PLCG2: variants seen among roughly 807,000 people sequenced by gnomAD.
PLCG2 encodes 1-phosphatidylinositol 4,5-bisphosphate phosphodiesterase gamma-2.
A neutral mutation model predicts 175.6 loss-of-function variants in PLCG2; 69 were observed. The ratio of observed to expected loss-of-function variants is 0.39; its 90% CI spans 0.32 to 0.48. The LOEUF (loss-of-function observed/expected upper bound fraction) is 0.48. Among genes scored for constraint, PLCG2 ranks in the 20% least tolerant of loss-of-function variants. The probability of loss-of-function intolerance (pLI) is 0.91; values close to 1 mark genes in which losing one functional copy is unlikely to be tolerated. For synonymous variants in PLCG2, 827 were observed against 624.0 expected, an observed-to-expected ratio of 1.33 and a Z score of -4.85; for missense variants, 1,798 against 1,650.9, an observed-to-expected ratio of 1.09 and a Z score of -1.54.
intron 2 of PLCG2, among the ~76,000 whole-genome samples, chr16:81,826,771 C>T (rs752526956): frequency 6.6e-6 from 1 of 152,188 alleles, no homozygotes. Flanking sequence ...GTAGCAAGAA[C>T]CTTCCCAAAG....
At position 81,907,782 on chromosome 16, in the gene PLCG2, G is replaced by A. The variant is rs749726451; in HGVS notation, c.1557+8G>A. The A allele has an allele frequency of 2.5e-6, 4 of 1,608,278 alleles. No individual in the cohort carries two copies. In the East Asian group the frequency reaches 8.9e-5, roughly 36 times the overall value. On this transcript the variant is annotated splice_region_variant and intron_variant, in intron 16 of 32. Coordinates refer to ENST00000564138, the MANE Select transcript of PLCG2 (RefSeq NM_002661.5). ...GAGGAGGAAGTGCCCCAGGTAGGGG[G>A]ACACCCTAGCCACATAGGGAGGAGG...
rs1304074351 is a variant in PLCG2 at position 81,917,326 on chromosome 16, C to A, written c.2055-2158C>A. Reference sequence around the variant, plus strand: ...TGTTGATGGGCAGGCTGATTCTACACCTTGGCTATGGTGAATGGTGCTATG... The same window carrying A: ...TGTTGATGGGCAGGCTGATTCTACAACTTGGCTATGGTGAATGGTGCTATG... On this transcript the variant is annotated intron_variant, in intron 19 of 32. Transcript: ENST00000564138. 4.0e-5 allele frequency among the ~76,000 whole-genome samples: 6 copies of A among 151,408 alleles called. No homozygotes were observed. The East Asian group carries it at 1.2e-3, about 29-fold the overall frequency.
intron 2 of PLCG2, among the ~76,000 whole-genome samples, chr16:81,838,297 G>A (rs1054935451): frequency 2.0e-5 from 3 of 152,160 alleles, no homozygotes; most frequent in Non-Finnish European, 2.9e-5. Flanking sequence ...ATGTTTCCCA[G>A]GCAGGTTTTG....
chr16:81,870,663 C>G lies in PLCG2; in HGVS notation c.565-189C>G, dbSNP rs41312260. Among the ~76,000 whole-genome samples the G allele has an allele frequency of 0.074, 11,256 of 152,236 alleles. 423 individuals carry two copies. Among genetic ancestry groups the G allele is most frequent in the Middle Eastern group, 0.15 (43 of 294 alleles). The stretch of plus-strand genomic sequence containing the variant: ...GATTTTAGCCAATGTTGTAGAAAAG[C>G]CATGTTAAATAGCATGACTTTTTCC... On this transcript the variant is annotated intron_variant, in intron 6 of 32. Coordinates refer to ENST00000564138, the MANE Select transcript of PLCG2 (RefSeq NM_002661.5).
At chr16:81,827,319 G>T (rs1905086657) in intron 2 of PLCG2, among the ~76,000 whole-genome samples, 2 of 151,890 alleles carry the variant, frequency 1.3e-5, no homozygotes. Context: ...AAGTACCTGG[G>T]ACCACAGGTG....
At chr16:81,901,369 C>T (rs1231184393) in intron 14 of PLCG2, among the ~76,000 whole-genome samples, 1 of 152,138 alleles carries the variant, frequency 6.6e-6, no homozygotes, top group East Asian at 1.9e-4. Flanking sequence ...ATAAAGAGAC[C>T]ATATATGCCG....
chr16:81,911,522 C>G (rs185463456), intron 18 of PLCG2, among the ~76,000 whole-genome samples: 1 of 152,180 alleles, frequency 6.6e-6, no homozygotes, highest in Admixed American at 6.5e-5. Context: ...GCAGCAGCCT[C>G]GAGCTCCTGG....
chr16:81,796,487 C>A (rs577680765), intron 2 of PLCG2, among the ~76,000 whole-genome samples: 2 of 152,376 alleles, frequency 1.3e-5, no homozygotes, highest in South Asian at 4.1e-4. Context: ...AGGACATCGT[C>A]TGGCTCCCGG....
chr16:81,939,667 C>T (rs549376414), intron 29 of PLCG2, among the ~76,000 whole-genome samples: 21 of 152,344 alleles, frequency 1.4e-4, no homozygotes, highest in African/African-American at 4.6e-4. Context: ...AGGTGGTCTC[C>T]TTCCTCTGCT....
chr16:81,886,050 T>TTATTTTCCTTCCAC (rs1908345825), intron 9 of PLCG2, among the ~76,000 whole-genome samples: 1 of 152,216 alleles, frequency 6.6e-6, no homozygotes, highest in South Asian at 2.1e-4. Context: ...TTTCCCTTCA[T>TTATTTTCCTTCCAC]TATTTTCCTT....
At chr16:81,772,475 A>G (rs1372698710) in intron 2 of PLCG2, among the ~76,000 whole-genome samples, 1 of 151,988 alleles carries the variant, frequency 6.6e-6, no homozygotes, top group East Asian at 1.9e-4. Flanking sequence ...GGAAGGTAAG[A>G]CACGGGGCCT....
chr16:81,765,586 G>A (rs961055106), intron 2 of PLCG2, among the ~76,000 whole-genome samples: 3 of 152,208 alleles, frequency 2.0e-5, no homozygotes, highest in African/African-American at 7.2e-5. Flanking sequence ...AGCTGAGGTG[G>A]TGCTAGTGCC....
At chr16:81,885,337 T>G (rs547833942) in intron 9 of PLCG2, among the ~76,000 whole-genome samples, 16 of 149,326 alleles carry the variant, frequency 1.1e-4, no homozygotes, top group African/African-American at 3.7e-4. Context: ...ACTAATTTTG[T>G]ATCTTTAGTA....
At chr16:81,833,399 C>T (rs968775723) in intron 2 of PLCG2, among the ~76,000 whole-genome samples, 1 of 151,946 alleles carries the variant, frequency 6.6e-6, no homozygotes, top group African/African-American at 2.4e-5. Flanking sequence ...AGCCAGTATT[C>T]TGGCCCGGGG....
At chr16:81,882,612 C>G (rs968550532) in intron 8 of PLCG2, among the ~76,000 whole-genome samples, 1 of 152,164 alleles carries the variant, frequency 6.6e-6, no homozygotes, top group African/African-American at 2.4e-5. Context: ...CAATCCCTCC[C>G]TCTGGCCTGC....
intron 2 of PLCG2, among the ~76,000 whole-genome samples, chr16:81,822,123 C>A (rs540462531): frequency 6.6e-6 from 1 of 152,232 alleles, no homozygotes; most frequent in South Asian, 2.1e-4. Context: ...ATCCTCTGTG[C>A]TTGCCCTAGA....
At chr16:81,803,134 TG>T (rs34132654) in intron 2 of PLCG2, among the ~76,000 whole-genome samples, 1,878 of 110,612 alleles carry the variant, frequency 0.017, 43 homozygotes, top group East Asian at 0.11. Context: ...TTTTTTTTTT[TG>T]TGAGACGGAA....
chr16:81,821,689 C>T (rs759602649), intron 2 of PLCG2, among the ~76,000 whole-genome samples: 4 of 152,096 alleles, frequency 2.6e-5, no homozygotes, highest in African/African-American at 7.2e-5. Flanking sequence ...GTATAAGCAG[C>T]GGGTGGTGAA....
chr16:81,764,508 A>G (rs12934269), intron 2 of PLCG2, among the ~76,000 whole-genome samples: 78,238 of 151,978 alleles, frequency 0.51, 22,180 homozygotes, highest in Non-Finnish European at 0.63. Context: ...CTCCTCAAAG[A>G]CACTTTTGCG....
Sources: allele counts gnomAD v4.1 joint callset (sites outside exome capture counted in the v4.1 genomes callset), GRCh38; gene constraint gnomAD v4.1.1; transcripts MANE v1.5; gene names NCBI Gene and HGNC (gene_info 2026-07-23, HGNC 2026-07-21).